Variants in CMSS1 observed in about 807,000 individuals in gnomAD.
The protein encoded by CMSS1 is protein CMSS1.
In CMSS1, 33 loss-of-function variants were observed where a neutral mutation model predicts 43.5. That is an observed-to-expected ratio of 0.76 (90% CI 0.57 to 1.01). CMSS1 has a LOEUF of 1.01. Ranked by LOEUF, CMSS1 falls within the 50% of genes least tolerant of loss-of-function variation. CMSS1 has a pLI of 0.00. For missense variants in CMSS1, 313 were observed against 326.4 expected (o/e 0.96, Z 0.32); for synonymous variants, 115 against 117.2 (o/e 0.98, Z 0.12).
At chr3:99,928,004 A>AT (rs1022765623) in intron 1 of CMSS1, among the ~76,000 whole-genome samples, 2 of 152,182 alleles carry the variant, frequency 1.3e-5, no homozygotes, top group African/African-American at 4.8e-5. Context: ...CATGATTGAG[A>AT]TTTTTTAGGT....
At position 100,178,539 on chromosome 3, in the gene CMSS1, A is replaced by T; in HGVS notation, c.*151A>T. On this transcript the variant is annotated 3_prime_UTR_variant, in exon 10 of 10. Coordinates refer to ENST00000421999, the MANE Select transcript of CMSS1 (RefSeq NM_032359.4). ...ATCACTGGAATGTGGGGATTCTGAA[A>T]CAGAAATGAAACTGTCCTTTTGACA... 1 of 574,638 alleles carries T rather than the reference A, an allele frequency of 1.7e-6. No homozygotes were observed. Among genetic ancestry groups the T allele is most frequent in the Admixed American group, 3.3e-5 (1 of 30,574 alleles). 35.6% of individuals were successfully genotyped at this position (574,638 alleles called of 1,614,324 possible). A position where few individuals can be genotyped will look rare whatever the true frequency, so the allele number is the denominator to read the frequency against.
intron 1 of CMSS1, among the ~76,000 whole-genome samples, chr3:99,973,508 GAA>G (rs1318041754): frequency 2.0e-5 from 3 of 151,490 alleles, no homozygotes; most frequent in Non-Finnish European, 2.9e-5. Context: ...TCCTTATTTT[GAA>G]AGTTTAAGCT....
intron 1 of CMSS1, among the ~76,000 whole-genome samples, chr3:100,013,087 G>T (rs1177058378): frequency 6.6e-6 from 1 of 151,930 alleles, no homozygotes; most frequent in South Asian, 2.1e-4. Context: ...TTGTTGTCCG[G>T]GCTGATCTTG....
At chr3:99,938,201 G>C (rs932503219) in intron 1 of CMSS1, among the ~76,000 whole-genome samples, 6 of 152,178 alleles carry the variant, frequency 3.9e-5, no homozygotes, top group African/African-American at 1.4e-4. Flanking sequence ...TAAATACCCT[G>C]ATCTGCTATC....
Position 100,176,381 on chromosome 3 carries a change from A to T in CMSS1, c.722A>T (p.Asp241Val), listed in dbSNP as rs535338969. Residue 241 changes from aspartate to valine, a missense_variant, in exon 9 of 10, where the codon GAT becomes GTT. Physicochemically the swap from Asp to Val is radical, Grantham distance 152. Transcript: ENST00000421999. ...KFLVFDWNWR[D>V]QKLRRMMDIP... ...CTGGTTTTTGACTGGAACTGGAGAGATCAGAAGTTGAGGAGAATGATGGAC... is the reference window on the plus strand; with the variant it reads ...CTGGTTTTTGACTGGAACTGGAGAGTTCAGAAGTTGAGGAGAATGATGGAC... 65 of 1,613,624 alleles carry T rather than the reference A, an allele frequency of 4.0e-5. No homozygotes were observed. The South Asian group carries it at 6.7e-4, about 17-fold the overall frequency.
intron 1 of CMSS1, among the ~76,000 whole-genome samples, chr3:99,895,313 G>GAATC (rs1245640455): frequency 6.6e-6 from 1 of 151,288 alleles, no homozygotes; most frequent in African/African-American, 2.4e-5. Context: ...TTTAAAGAAT[G>GAATC]AATCATAATC....
intron 1 of CMSS1, among the ~76,000 whole-genome samples, chr3:100,059,686 G>A (rs894233812): frequency 5.9e-5 from 9 of 152,160 alleles, no homozygotes; most frequent in African/African-American, 2.2e-4. Context: ...GACCCATCAT[G>A]CCTGAAGAAG....
chr3:99,855,111 C>T (rs1332714202), intron 1 of CMSS1, among the ~76,000 whole-genome samples: 1 of 152,168 alleles, frequency 6.6e-6, no homozygotes, highest in African/African-American at 2.4e-5. Context: ...AATATTAACT[C>T]TGCCAATTGT....
At chr3:100,177,613 T>G (rs1274363035) in intron 9 of CMSS1, among the ~76,000 whole-genome samples, 1 of 152,222 alleles carries the variant, frequency 6.6e-6, no homozygotes, top group Non-Finnish European at 1.5e-5. Context: ...GCATTTTATT[T>G]TGAATGGCTG....
At chr3:100,047,751 G>A (rs1283611055) in intron 1 of CMSS1, among the ~76,000 whole-genome samples, 1 of 152,040 alleles carries the variant, frequency 6.6e-6, no homozygotes, top group Non-Finnish European at 1.5e-5. Flanking sequence ...ACCTCTCTTA[G>A]CCTCTGCTTC....
intron 1 of CMSS1, among the ~76,000 whole-genome samples, chr3:99,938,546 C>G (rs947061268): frequency 1.3e-5 from 2 of 152,190 alleles, no homozygotes; most frequent in African/African-American, 2.4e-5. Context: ...GGCAGACTGT[C>G]TGCTATCTTT....
intron 1 of CMSS1, among the ~76,000 whole-genome samples, chr3:99,976,925 A>G (rs1424619048): frequency 6.6e-6 from 1 of 152,152 alleles, no homozygotes; most frequent in African/African-American, 2.4e-5. Context: ...AGGTCCAAGG[A>G]GAAGAGTCTG....
intron 1 of CMSS1, chr3:100,114,910 T>A (rs954288250): frequency 6.6e-7 from 1 of 1,516,956 alleles, no homozygotes; most frequent in African/African-American, 1.4e-5. Context: ...GGACTCAAAC[T>A]TGAATGCCTG....
intron 1 of CMSS1, among the ~76,000 whole-genome samples, chr3:100,057,021 G>A (rs941657283): frequency 6.6e-6 from 1 of 151,988 alleles, no homozygotes; most frequent in South Asian, 2.1e-4. Context: ...AAAGAATTGG[G>A]CAAGTGATTT....
At chr3:99,840,139 C>T (rs1012479417) in intron 1 of CMSS1, among the ~76,000 whole-genome samples, 13 of 151,770 alleles carry the variant, frequency 8.6e-5, no homozygotes, top group African/African-American at 2.7e-4. Flanking sequence ...CAGGCCAAAA[C>T]CATTAATAGT....
intron 1 of CMSS1, among the ~76,000 whole-genome samples, chr3:99,975,527 C>T (rs1332819811): frequency 6.6e-6 from 1 of 151,260 alleles, no homozygotes; most frequent in Non-Finnish European, 1.5e-5. Context: ...GGGAGGCAGA[C>T]GTTGCAGTGA....
At chr3:100,135,490 G>GTT (rs2066746145) in intron 1 of CMSS1, among the ~76,000 whole-genome samples, 1 of 132,756 alleles carries the variant, frequency 7.5e-6, no homozygotes, top group Non-Finnish European at 1.6e-5. Context: ...GTGTGTGTGT[G>GTT]TTTAAGAGAC....
At chr3:99,914,506 A>G (rs530770166) in intron 1 of CMSS1, among the ~76,000 whole-genome samples, 8 of 152,338 alleles carry the variant, frequency 5.3e-5, no homozygotes, top group African/African-American at 1.7e-4. Flanking sequence ...CATGTCATTA[A>G]CATTCACTTT....
At chr3:99,938,333 C>T (rs1707755477) in intron 1 of CMSS1, among the ~76,000 whole-genome samples, 2 of 152,168 alleles carry the variant, frequency 1.3e-5, no homozygotes, top group South Asian at 4.1e-4. Flanking sequence ...AAGCATGTAA[C>T]ATTTTATTAA....
Sources: allele counts gnomAD v4.1 joint callset (sites outside exome capture counted in the v4.1 genomes callset), GRCh38; gene constraint gnomAD v4.1.1; transcripts MANE v1.5; gene names NCBI Gene and HGNC (gene_info 2026-07-23, HGNC 2026-07-21).